Variants in SGCZ observed in about 807,000 individuals in gnomAD.
SGCZ encodes zeta-sarcoglycan.
In SGCZ, 40 loss-of-function variants were observed where a neutral mutation model predicts 41.3. The observed-to-expected ratio is 0.97, with a 90% confidence interval of 0.75 to 1.26. The LOEUF is 1.26. Ranked by LOEUF, SGCZ falls within the 50% of genes most tolerant of loss-of-function variation. SGCZ has a pLI of 0.00. For missense variants in SGCZ, 552 were observed against 369.8 expected (o/e 1.49, Z -4.04); for synonymous variants, 206 against 137.5 (o/e 1.50, Z -3.49).
chr8:14,478,008 A>T (rs1050586855), intron 2 of SGCZ, among the ~76,000 whole-genome samples: 10 of 152,230 alleles, frequency 6.6e-5, no homozygotes, highest in African/African-American at 2.4e-4. Context: ...CAGAATAATT[A>T]TGAAGAAGGA....
chr8:14,183,200 A>G (rs1033355761), intron 4 of SGCZ, among the ~76,000 whole-genome samples: 1 of 152,124 alleles, frequency 6.6e-6, no homozygotes, highest in Non-Finnish European at 1.5e-5. Context: ...CCTACAAAAT[A>G]TTGCCAAATT....
At position 14,829,294 on chromosome 8, in the gene SGCZ, A is replaced by T. The variant is rs932911319; in HGVS notation, c.40-274368T>A. On this transcript the variant is annotated intron_variant, in intron 1 of 7. Transcript: ENST00000382080. ...CACTAGTAAGTTAATAATGTTTTTT[A>T]AAAAACTGCATTGACATCATTAAAT... Among the ~76,000 whole-genome samples, 7 of 152,196 alleles carry T rather than the reference A, an allele frequency of 4.6e-5. 1 individual carries two copies. Among genetic ancestry groups the T allele is most frequent in the South Asian group, 4.1e-4 (2 of 4,830 alleles).
chr8:14,714,615 T>C (rs1201374276), intron 1 of SGCZ, among the ~76,000 whole-genome samples: 1 of 152,198 alleles, frequency 6.6e-6, no homozygotes, highest in African/African-American at 2.4e-5. Flanking sequence ...CTTTGTTTTA[T>C]AGTGTACCTC....
At position 14,085,415 on chromosome 8, in the gene SGCZ, CCT is replaced by C. The variant is rs1328549449; in HGVS notation, c.*5026_*5027del. Among the ~76,000 whole-genome samples, 1 of 151,510 alleles carries C rather than the reference CCT, an allele frequency of 6.6e-6. No individual in the cohort carries two copies. Among genetic ancestry groups the C allele is most frequent in the Non-Finnish European group, 1.5e-5 (1 of 67,728 alleles). On this transcript the variant is annotated 3_prime_UTR_variant, in exon 8 of 8. Transcript: ENST00000382080. Reference sequence around the variant, plus strand: ...ATGAATGTCCTTGCCCATCTTTAACCCTGTTTGGTTTTTATTTATAAATACGC... The same window carrying C: ...ATGAATGTCCTTGCCCATCTTTAACCGTTTGGTTTTTATTTATAAATACGC...
chr8:14,185,716 T>G (rs1397060400), intron 4 of SGCZ, among the ~76,000 whole-genome samples: 1 of 152,176 alleles, frequency 6.6e-6, no homozygotes, highest in Non-Finnish European at 1.5e-5. Flanking sequence ...TGCTCACTCA[T>G]CGTCTTTCTA....
intron 5 of SGCZ, among the ~76,000 whole-genome samples, chr8:14,153,254 G>T (rs73213565): frequency 0.078 from 11,927 of 152,192 alleles, 593 homozygotes; most frequent in Middle Eastern, 0.12. Context: ...TTTATAATCA[G>T]TGTTTAGGTA....
At chr8:14,639,978 C>T (rs1457089199) in intron 1 of SGCZ, among the ~76,000 whole-genome samples, 3 of 151,528 alleles carry the variant, frequency 2.0e-5, no homozygotes, top group South Asian at 2.1e-4. Flanking sequence ...AGATAAATCC[C>T]GAGATATACT....
At chr8:14,232,459 T>A (rs974434913) in intron 4 of SGCZ, among the ~76,000 whole-genome samples, 5 of 152,082 alleles carry the variant, frequency 3.3e-5, no homozygotes, top group Admixed American at 2.6e-4. Flanking sequence ...GCAAATGACA[T>A]TCTTCCTTAT....
chr8:14,654,479 C>A (rs767838454), intron 1 of SGCZ, among the ~76,000 whole-genome samples: 7 of 152,040 alleles, frequency 4.6e-5, no homozygotes, highest in Non-Finnish European at 8.8e-5. Context: ...ATATTTAAAT[C>A]TCTTAGAAAA....
intron 1 of SGCZ, among the ~76,000 whole-genome samples, chr8:15,231,807 A>G (rs1268537326): frequency 2.0e-5 from 3 of 151,872 alleles, no homozygotes; most frequent in African/African-American, 7.3e-5. Context: ...TTTTTAGTAG[A>G]AACAGGGTTT....
chr8:14,658,359 C>T (rs1807641759), intron 1 of SGCZ, among the ~76,000 whole-genome samples: 1 of 152,112 alleles, frequency 6.6e-6, no homozygotes, highest in African/African-American at 2.4e-5. Context: ...TGAACTCATG[C>T]CCTTTCATAG....
intron 2 of SGCZ, among the ~76,000 whole-genome samples, chr8:14,407,886 G>A (rs1021621476): frequency 1.3e-5 from 2 of 152,152 alleles, no homozygotes; most frequent in African/African-American, 4.8e-5. Context: ...AATGCTGGCT[G>A]TCAGGAGAAA....
At chr8:15,177,266 G>T (rs1261902816) in intron 1 of SGCZ, among the ~76,000 whole-genome samples, 1 of 152,180 alleles carries the variant, frequency 6.6e-6, no homozygotes, top group African/African-American at 2.4e-5. Flanking sequence ...TTCCTCAGAT[G>T]GTCGAAATTA....
At chr8:15,189,122 G>T (rs532152701) in intron 1 of SGCZ, among the ~76,000 whole-genome samples, 3 of 152,190 alleles carry the variant, frequency 2.0e-5, no homozygotes, top group South Asian at 4.2e-4. Context: ...TCACTATAAC[G>T]GTTTTGCTTT....
intron 1 of SGCZ, among the ~76,000 whole-genome samples, chr8:14,717,996 G>GATATATATATAT (rs140343071): frequency 0.11 from 16,374 of 144,610 alleles, 1,039 homozygotes; most frequent in East Asian, 0.18. Context: ...TCTAAAATAA[G>GATATATATATAT]ATATATATAT....
intron 1 of SGCZ, among the ~76,000 whole-genome samples, chr8:14,801,927 G>C (rs998808381): frequency 1.3e-5 from 2 of 152,170 alleles, no homozygotes; most frequent in African/African-American, 4.8e-5. Context: ...CCCAATCATA[G>C]CACATGGAAA....
chr8:14,796,516 A>C (rs895422697), intron 1 of SGCZ, among the ~76,000 whole-genome samples: 9 of 152,152 alleles, frequency 5.9e-5, no homozygotes, highest in African/African-American at 2.2e-4. Flanking sequence ...ACTTTCATTA[A>C]AAAATTAACA....
intron 1 of SGCZ, among the ~76,000 whole-genome samples, chr8:14,969,816 A>C (rs1801234309): frequency 6.6e-6 from 1 of 152,108 alleles, no homozygotes; most frequent in African/African-American, 2.4e-5. Context: ...CGCTACTGCA[A>C]ATAAATATGA....
chr8:14,482,951 G>A (rs981277372), intron 2 of SGCZ, among the ~76,000 whole-genome samples: 18 of 151,952 alleles, frequency 1.2e-4, no homozygotes, highest in Admixed American at 5.2e-4. Flanking sequence ...CCCTAACTCC[G>A]TAAACACGTG....
Sources: allele counts gnomAD v4.1 joint callset (sites outside exome capture counted in the v4.1 genomes callset), GRCh38; gene constraint gnomAD v4.1.1; transcripts MANE v1.5; gene names NCBI Gene and HGNC (gene_info 2026-07-23, HGNC 2026-07-21).